The following OPTN variants were observed in gnomAD, a reference collection of about 807,000 sequenced individuals.
OPTN encodes the protein E3-14.7K-interacting protein.
A neutral mutation model predicts 70.4 loss-of-function variants in OPTN; 54 were observed. That is an observed-to-expected ratio of 0.77 (90% CI 0.62 to 0.96). The LOEUF (loss-of-function observed/expected upper bound fraction) is 0.96. OPTN is among the 40% of genes least tolerant of loss of function. The pLI, the probability that OPTN is intolerant of heterozygous loss-of-function variation, is 0.00. For synonymous variants in OPTN, 256 were observed against 248.5 expected (o/e 1.03, Z -0.28); for missense variants, 624 against 673.2 (o/e 0.93, Z 0.81).
chr10:13,115,492 T>TA (rs1833174975), intron 5 of OPTN, among the ~76,000 whole-genome samples: 1 of 96,582 alleles, frequency 1.0e-5, no homozygotes, highest in African/African-American at 6.3e-5. Context: ...ATATTCTATA[T>TA]TATATAATAT....
intron 13 of OPTN, among the ~76,000 whole-genome samples, chr10:13,132,704 A>G (rs889781836): frequency 3.9e-5 from 6 of 152,074 alleles, no homozygotes; most frequent in African/African-American, 1.4e-4. Context: ...ACGTGTCCCA[A>G]TGACCTATCT....
intron 6 of OPTN, among the ~76,000 whole-genome samples, chr10:13,117,710 G>A (rs1833250833): frequency 1.3e-5 from 2 of 152,098 alleles, no homozygotes; most frequent in Admixed American, 1.3e-4. Context: ...GCCTCCCAAA[G>A]CGCTGGGATT....
chr10:13,125,556 AG>A lies in OPTN; in HGVS notation c.1138del (p.Glu380ArgfsTer7). ...AAATCAAAATGGAACAGGCTAAAAC[AG>A]AGGATGAAAAGTGAGTATGTTGAGT... ...SEIKMEQAKT[E>X]DEKSKLTVLQ... is the part of the protein sequence containing the mutation. On this transcript the variant is annotated frameshift_variant, in exon 10 of 15. Transcript: ENST00000378747. LOFTEE classifies it high-confidence loss of function. 1.9e-6 allele frequency: 3 copies of A among 1,614,206 alleles called. No homozygotes were observed. Among genetic ancestry groups the A allele is most frequent in the Non-Finnish European group, 2.5e-6 (3 of 1,180,020 alleles).
rs767698255 is a variant in OPTN, at chr10:13,116,223, T to C, written c.553-44T>C. On this transcript the variant is annotated intron_variant, in intron 5 of 14. Coordinates refer to ENST00000378747, the MANE Select transcript of OPTN (RefSeq NM_001008212.2). ...TCTTCTTTTGACAAAGAATTTGTCT[T>C]GTAGACATATTGTGTTAAATCCCTT... 14 of 1,227,460 alleles carry C rather than the reference T, an allele frequency of 1.1e-5. 1 individual carries two copies. In the Middle Eastern group the frequency reaches 7.5e-4, roughly 66 times the overall value. 76.0% of individuals were successfully genotyped at this position (1,227,460 alleles called of 1,614,324 possible).
chr10:13,128,565 C>G (rs2131522816), intron 12 of OPTN, among the ~76,000 whole-genome samples: 1 of 90,050 alleles, frequency 1.1e-5, no homozygotes, highest in South Asian at 3.8e-4. Flanking sequence ...TTTTTTGAGA[C>G]AGAGTCTTGC....
rs754892837 is a variant in OPTN, at chr10:13,112,611, T to C, written c.528T>C (p.Asp176=). Residue 176 remains aspartate, a synonymous_variant, in exon 5 of 15, where the codon GAT becomes GAC. Coordinates refer to ENST00000378747, the MANE Select transcript of OPTN (RefSeq NM_001008212.2). ...LKLNSSGSSE[D]SFVEIRMAEG... ...TGAACTCCAGCGGCTCCTCAGAAGA[T>C]TCCTTTGTTGAAATTAGGATGGCTG... 6.8e-6 allele frequency: 11 copies of C among 1,614,052 alleles called. 1 individual carries two copies. The Admixed American group carries it at 1.7e-4, about 24-fold the overall frequency.
At chr10:13,100,843 A>G (rs1349569896) in intron 1 of OPTN, among the ~76,000 whole-genome samples, 1 of 152,238 alleles carries the variant, frequency 6.6e-6, no homozygotes, top group African/African-American at 2.4e-5. Flanking sequence ...ATCGAAATGC[A>G]TAAGCTACAG....
At chr10:13,115,942 T>A (rs1462445782) in intron 5 of OPTN, among the ~76,000 whole-genome samples, 1 of 152,036 alleles carries the variant, frequency 6.6e-6, no homozygotes, top group Admixed American at 6.6e-5. Flanking sequence ...GACCTTAACC[T>A]TGAGAAAGAG....
Position 13,127,446 on chromosome 10 carries a change from T to A in OPTN, c.1243-299T>A, listed in dbSNP as rs111397758. Among the ~76,000 whole-genome samples, 812 of 152,366 alleles carry A rather than the reference T, an allele frequency of 5.3e-3. 8 individuals are homozygous for A. The highest frequency in any genetic ancestry group is 0.018 in the African/African-American group (767 of 41,596). Reference sequence around the variant, plus strand: ...TCCCTGATTTCGGTGTTATCACCTTTTTTTTAGGAATTCATTATTTGCAAG... The same window carrying A: ...TCCCTGATTTCGGTGTTATCACCTTATTTTTAGGAATTCATTATTTGCAAG... On this transcript the variant is annotated intron_variant, in intron 11 of 14. Coordinates refer to ENST00000378747, the MANE Select transcript of OPTN (RefSeq NM_001008212.2).
chr10:13,100,564 C>T lies in OPTN; in HGVS notation c.-164+262C>T. 1.3e-5 allele frequency among the ~76,000 whole-genome samples: 2 copies of T among 152,254 alleles called. 1 individual carries two copies. On this transcript the variant is annotated intron_variant, in intron 1 of 14. Coordinates refer to ENST00000378747, the MANE Select transcript of OPTN (RefSeq NM_001008212.2). ...CCCAAGAAGGGTCCAGGGCCGGCCT[C>T]TTGGCCGCAGGTAACCCCTCTACAA...
chr10:13,123,934 G>T, intron 8 of OPTN, 61 bp from the exon 9 acceptor site: 3 of 1,231,538 alleles, frequency 2.4e-6, no homozygotes, highest in Non-Finnish European at 3.6e-6. Context: ...TTCTCCTAAA[G>T]AGGTTTGTTT....
chr10:13,111,472 C>T (rs1017462782), intron 4 of OPTN, among the ~76,000 whole-genome samples: 3 of 152,038 alleles, frequency 2.0e-5, no homozygotes, highest in Non-Finnish European at 2.9e-5. Flanking sequence ...CTAGGGTGGG[C>T]AGATCACCTG....
chr10:13,110,504 GTT>G (rs34617995), intron 4 of OPTN, 28 bp downstream of exon 4: 3,389 of 1,284,992 alleles, frequency 2.6e-3, no homozygotes, highest in Middle Eastern at 3.1e-3. Flanking sequence ...TTGTGATGTT[GTT>G]TTTTTTTTTT....
chr10:13,137,081 C>G lies in OPTN; in HGVS notation c.*215C>G. ...GATCACTTGGGGTCAGGGTTTGAGA[C>G]CAGCCTGGCCAACATGGCGGAACCC... On this transcript the variant is annotated 3_prime_UTR_variant, in exon 15 of 15. Coordinates refer to ENST00000378747, the MANE Select transcript of OPTN (RefSeq NM_001008212.2). 1.8e-6 allele frequency: 1 copy of G among 570,288 alleles called. No homozygotes were observed. The highest frequency in any genetic ancestry group is 3.2e-6 in the Non-Finnish European group (1 of 315,758). The allele number at this position is 570,288 out of a possible 1,614,324, so 35.3% of individuals were successfully genotyped here.
chr10:13,116,381 G>C, intron 6 of OPTN, 41 bp downstream of exon 6: 2 of 1,460,724 alleles, frequency 1.4e-6, no homozygotes, highest in South Asian at 1.1e-5. Flanking sequence ...AGACAGGCTG[G>C]GCAGGCTCGT....
intron 14 of OPTN, among the ~76,000 whole-genome samples, chr10:13,134,691 G>T (rs1326878435): frequency 2.0e-5 from 3 of 151,976 alleles, no homozygotes; most frequent in Non-Finnish European, 4.4e-5. Context: ...GCCTCCCAAA[G>T]TGCTGGGATT....
At position 13,108,544 on chromosome 10, in the gene OPTN, C is replaced by CT. The variant is rs34105780; in HGVS notation, c.-12+270dup. On this transcript the variant is annotated intron_variant, in intron 2 of 14. Transcript: ENST00000378747. ...CCATTTCCCAAATCCTTATTGTACCCTTTTTTTTTTTTTTTGGTTTGAGAC... is the reference window on the plus strand; with the variant it reads ...CCATTTCCCAAATCCTTATTGTACCCTTTTTTTTTTTTTTTTGGTTTGAGAC... Among the ~76,000 whole-genome samples the CT allele has an allele frequency of 9.6e-3, 1,333 of 139,412 alleles. 20 individuals carry two copies. The highest frequency in any genetic ancestry group is 0.032 in the African/African-American group (1,195 of 37,648). The allele number at this position is 139,412 out of a possible 152,430, so 91.5% of individuals were successfully genotyped here.
intron 5 of OPTN, among the ~76,000 whole-genome samples, chr10:13,113,727 G>A (rs1247536789): frequency 6.6e-6 from 1 of 152,074 alleles, no homozygotes; most frequent in Non-Finnish European, 1.5e-5. Context: ...TAGTATAGAT[G>A]GTCACTTTCG....
At chr10:13,128,353 T>C (rs1210764747) in intron 12 of OPTN, among the ~76,000 whole-genome samples, 1 of 152,078 alleles carries the variant, frequency 6.6e-6, no homozygotes, top group Admixed American at 6.5e-5. Context: ...ACTTCTATTA[T>C]CAGTCATTTT....
Sources: gnomAD v4.1 joint callset for allele counts (sites outside exome capture counted in the v4.1 genomes callset) on GRCh38, gnomAD v4.1.1 for gene constraint, MANE v1.5 for transcripts, NCBI Gene and HGNC (gene_info 2026-07-23, HGNC 2026-07-21) for gene names.